Variants in DEFB125 observed in about 807,000 individuals in gnomAD.
DEFB125 encodes the protein beta-defensin 125.
DEFB125 carries 11 observed loss-of-function variants against 11.8 expected under a neutral mutation model. The observed-to-expected ratio is 0.94, with a 90% CI of 0.59 to 1.55. The LOEUF is 1.55. DEFB125 is among the 40% of genes most tolerant of loss of function. The pLI is 0.00. For missense variants in DEFB125, 198 were observed against 191.2 expected (o/e 1.04, Z -0.21); for synonymous variants, 79 against 66.7 (o/e 1.18, Z -0.90).
intron 1 of DEFB125, among the ~76,000 whole-genome samples, chr20:88,743 T>C (rs1300930825): frequency 6.6e-6 from 1 of 152,190 alleles, no homozygotes; most frequent in Non-Finnish European, 1.5e-5. Flanking sequence ...GAGGAGCAGA[T>C]GAATTGCCTC....
chr20:92,700 C>CT (rs1427383670), intron 1 of DEFB125, among the ~76,000 whole-genome samples: 1 of 152,062 alleles, frequency 6.6e-6, no homozygotes, highest in African/African-American at 2.4e-5. Context: ...CATCTTCCCT[C>CT]TTTTTTAGAC....
In DEFB125 at chr20:96,849, A is replaced by C; in HGVS notation, c.*432A>C. 1 of 157,232 alleles carries C rather than the reference A, an allele frequency of 6.4e-6. No homozygotes were observed. Among genetic ancestry groups the C allele is most frequent in the Non-Finnish European group, 1.4e-5 (1 of 71,212 alleles). 9.7% of individuals were successfully genotyped at this position (157,232 alleles called of 1,614,324 possible). A position where few individuals can be genotyped will look rare whatever the true frequency, so the allele number is the denominator to read the frequency against. On this transcript the variant is annotated 3_prime_UTR_variant, in exon 2 of 2. Transcript: ENST00000382410. ...CTATCGTATATAGGAGAACATATAA[A>C]AGCATATAGAAAGTTCCAGATGAAT...
At chr20:94,462 T>A (rs924268712) in intron 1 of DEFB125, among the ~76,000 whole-genome samples, 1 of 152,104 alleles carries the variant, frequency 6.6e-6, no homozygotes. Flanking sequence ...CCTCAGGTCA[T>A]CAGGCATTAG....
chr20:91,394 C>A (rs553584283), intron 1 of DEFB125, among the ~76,000 whole-genome samples: 4 of 152,164 alleles, frequency 2.6e-5, no homozygotes, highest in Admixed American at 2.6e-4. Context: ...CCAAGACCAA[C>A]GTCCTGAAGT....
At chr20:90,009 C>CT (rs2054490541) in intron 1 of DEFB125, among the ~76,000 whole-genome samples, 1 of 152,100 alleles carries the variant, frequency 6.6e-6, no homozygotes, top group South Asian at 2.1e-4. Flanking sequence ...TGTGAAGCAA[C>CT]TTTTTACCAA....
intron 1 of DEFB125, among the ~76,000 whole-genome samples, chr20:95,493 G>C (rs1250537933): frequency 1.3e-5 from 2 of 152,024 alleles, no homozygotes; most frequent in Non-Finnish European, 2.9e-5. Flanking sequence ...CTACTATTTT[G>C]TTCAGGATTT....
Position 96,212 on chromosome 20 carries a change from C to A in DEFB125, c.266C>A (p.Thr89Asn). The change falls in exon 2 of 2, where the codon ACT becomes AAT. Residue 89 changes from threonine to asparagine, a missense_variant. Physicochemically the swap from Thr to Asn is moderately conservative, Grantham distance 65 (BLOSUM62 0). Coordinates refer to ENST00000382410, the MANE Select transcript of DEFB125 (RefSeq NM_153325.4). ...TLDYSDVDSF[T>N]GSPVSMLNDL... is the part of the protein sequence containing the mutation. ...GATTATAGTGATGTGGACTCTTTTA[C>A]TGGTTCCCCAGTATCTATGTTGAAT... 6.2e-7 allele frequency: 1 copy of A among 1,614,192 alleles called. No individual in the cohort carries two copies. Among genetic ancestry groups the A allele is most frequent in the Non-Finnish European group, 8.5e-7 (1 of 1,180,036 alleles).
chr20:94,452 C>T (rs1437126023), intron 1 of DEFB125, among the ~76,000 whole-genome samples: 2 of 152,054 alleles, frequency 1.3e-5, no homozygotes, highest in Non-Finnish European at 2.9e-5. Flanking sequence ...AACTGTTCCA[C>T]CTCAGGTCAT....
chr20:89,126 C>G (rs1351519808), intron 1 of DEFB125, among the ~76,000 whole-genome samples: 1 of 152,134 alleles, frequency 6.6e-6, no homozygotes, highest in African/African-American at 2.4e-5. Flanking sequence ...TCTAAACTTT[C>G]TTAATTATCT....
At chr20:88,261 AT>A (rs1010676436) in intron 1 of DEFB125, among the ~76,000 whole-genome samples, 1 of 152,104 alleles carries the variant, frequency 6.6e-6, no homozygotes, top group Non-Finnish European at 1.5e-5. Flanking sequence ...GAGACAATAT[AT>A]ATGTTTGGGG....
intron 1 of DEFB125, among the ~76,000 whole-genome samples, chr20:89,296 A>G (rs988198753): frequency 3.3e-5 from 5 of 152,172 alleles, no homozygotes; most frequent in African/African-American, 4.8e-5. Flanking sequence ...TAATATCTAC[A>G]TTCATTTCTG....
At position 96,511 on chromosome 20, in the gene DEFB125, T is replaced by C. The variant is rs1425794777; in HGVS notation, c.*94T>C. 1 of 1,447,544 alleles carries C rather than the reference T, an allele frequency of 6.9e-7. No homozygotes were observed. The highest frequency in any genetic ancestry group is 1.4e-5 in the African/African-American group (1 of 70,510). 89.7% of individuals were successfully genotyped at this position (1,447,544 alleles called of 1,614,324 possible). On this transcript the variant is annotated 3_prime_UTR_variant, in exon 2 of 2. Coordinates refer to ENST00000382410, the MANE Select transcript of DEFB125 (RefSeq NM_153325.4). ...ACCAATCCAATTTCACCAGGAAAAT[T>C]CCATCAGGGATTGGATGACCATGGG...
chr20:88,822 T>G (rs918260026), intron 1 of DEFB125, among the ~76,000 whole-genome samples: 4 of 149,188 alleles, frequency 2.7e-5, no homozygotes, highest in Non-Finnish European at 5.9e-5. Flanking sequence ...CAAGAAAAAT[T>G]TGTAAACAAA....
At position 96,009 on chromosome 20, in the gene DEFB125, C is replaced by A. The variant is rs561362746; in HGVS notation, c.63C>A (p.Ser21Arg). The change falls in exon 2 of 2, where the codon AGC (serine) becomes AGA (arginine). Residue 21 changes from serine to arginine, a missense_variant. Ser to Arg is a moderately radical substitution (Grantham distance 110). Coordinates refer to ENST00000382410, the MANE Select transcript of DEFB125 (RefSeq NM_153325.4). ...CCTATATTTTATTCTCTACAGGTAG[C>A]TTTGAACCCCAAAAATGTTGGAAGA... is the stretch of plus-strand genomic sequence containing the variant. ...CGLLTRVTKG[S>R]FEPQKCWKNN... is the part of the protein sequence containing the mutation. 11 of 1,598,424 alleles carry A rather than the reference C, an allele frequency of 6.9e-6. 1 individual carries two copies. The South Asian group carries it at 1.1e-4, about 16-fold the overall frequency.
rs767854746 is a variant in DEFB125 at position 96,051 on chromosome 20, C to T, written c.105C>T (p.Cys35=). Reference sequence around the variant, plus strand: ...GTTGGAAGAATAATGTAGGACATTGCAGAAGACGATGTTTAGATACTGAAA... The same window carrying T: ...GTTGGAAGAATAATGTAGGACATTGTAGAAGACGATGTTTAGATACTGAAA... ...QKCWKNNVGH[C]RRRCLDTERY... is the part of the protein sequence containing the mutation. The change falls in exon 2 of 2, where the codon TGC becomes TGT. Residue 35 remains cysteine (C), a synonymous_variant. Coordinates refer to ENST00000382410, the MANE Select transcript of DEFB125 (RefSeq NM_153325.4). 11 of 1,613,102 alleles carry T rather than the reference C, an allele frequency of 6.8e-6. No homozygotes were observed. In the African/African-American group the frequency reaches 1.1e-4, roughly 16 times the overall value.
intron 1 of DEFB125, among the ~76,000 whole-genome samples, chr20:88,872 A>ACAC (rs2054486441): frequency 6.6e-6 from 1 of 151,740 alleles, no homozygotes; most frequent in Non-Finnish European, 1.5e-5. Context: ...GTGGACACAC[A>ACAC]CACACACACA....
chr20:96,050 G>C lies in DEFB125; in HGVS notation c.104G>C (p.Cys35Ser). ...QKCWKNNVGHCRRRCLDTERY... is the reference protein window; with the variant it reads ...QKCWKNNVGHSRRRCLDTERY... ...TGTTGGAAGAATAATGTAGGACATT[G>C]CAGAAGACGATGTTTAGATACTGAA... The change falls in exon 2 of 2, where the codon TGC becomes TCC. Residue 35 changes from cysteine to serine, a missense_variant. By Grantham distance (112) the Cys-to-Ser change is moderately radical. Transcript: ENST00000382410. The C allele has an allele frequency of 6.2e-7, 1 of 1,613,340 alleles. No individual in the cohort carries two copies. The highest frequency in any genetic ancestry group is 2.2e-5 in the East Asian group (1 of 44,848).
At chr20:92,715 A>G (rs1349722842) in intron 1 of DEFB125, among the ~76,000 whole-genome samples, 4 of 151,474 alleles carry the variant, frequency 2.6e-5, no homozygotes, top group African/African-American at 9.7e-5. Flanking sequence ...TTAGACAACT[A>G]TTTTGTCCTG....
Position 94,237 on chromosome 20 carries a change from C to G in DEFB125, c.59-1768C>G, listed in dbSNP as rs562051809. On this transcript the variant is annotated intron_variant, in intron 1 of 1. Coordinates refer to ENST00000382410, the MANE Select transcript of DEFB125 (RefSeq NM_153325.4). ...ATCAGGGTAATTAGCATATCTATCA[C>G]CTCAAACATTTGTCATTTTTTTATA... 2.6e-5 allele frequency among the ~76,000 whole-genome samples: 4 copies of G among 152,136 alleles called. No homozygotes were observed. The South Asian group carries it at 8.3e-4, about 32-fold the overall frequency.
Sources: gnomAD v4.1 joint callset for allele counts (sites outside exome capture counted in the v4.1 genomes callset) on GRCh38, gnomAD v4.1.1 for gene constraint, MANE v1.5 for transcripts, NCBI Gene and HGNC (gene_info 2026-07-23, HGNC 2026-07-21) for gene names.